Variants in SYNE1 observed in about 807,000 individuals in gnomAD.
SYNE1 encodes the protein spectrin repeat containing nuclear envelope protein 1.
In SYNE1, 616 loss-of-function variants were observed where a neutral mutation model predicts 1,111.0. The ratio of observed to expected loss-of-function variants is 0.55; its 90% CI spans 0.52 to 0.59. The LOEUF (loss-of-function observed/expected upper bound fraction) is 0.59. SYNE1 is among the 20% of genes least tolerant of loss of function. SYNE1 has a pLI of 0.00. For synonymous variants in SYNE1, 3,855 were observed against 3,825.8 expected, an observed-to-expected ratio of 1.01 and a Z score of -0.28; for missense variants, 10,006 against 10,417.0, an observed-to-expected ratio of 0.96 and a Z score of 1.72.
Position 152,435,946 on chromosome 6 carries a change from T to C in SYNE1, c.4305A>G (p.Glu1435=), listed in dbSNP as rs2098470446. ...AGGACTTGTCAATCACATACTCTTC[T>C]TCAAGCGTGTCTTCTAATTTTTTGA... is the stretch of plus-strand genomic sequence containing the variant. ...EQVKKLEDTL[E]EDIKTMEMVK... Residue 1435 remains glutamate, a synonymous_variant, in exon 33 of 146, where the codon GAA becomes GAG. Transcript: ENST00000367255. The C allele has an allele frequency of 6.2e-7, 1 of 1,614,156 alleles. No homozygotes were observed. The highest frequency in any genetic ancestry group is 8.5e-7 in the Non-Finnish European group (1 of 1,180,024).
intron 87 of SYNE1, among the ~76,000 whole-genome samples, chr6:152,311,975 G>A (rs1015349043): frequency 1.3e-5 from 2 of 152,044 alleles, no homozygotes; most frequent in East Asian, 1.9e-4. Flanking sequence ...TAGCAGAGAC[G>A]GGGTTTCATC....
In SYNE1 at chr6:152,407,155, T is replaced by G; in HGVS notation, c.6582A>C (p.Val2194=). 1 of 1,614,132 alleles carries G rather than the reference T, an allele frequency of 6.2e-7. No homozygotes were observed. Among genetic ancestry groups the G allele is most frequent in the South Asian group, 1.1e-5 (1 of 91,084 alleles). The part of the protein sequence containing the change: ...KLEENMDRLR[V]SLSIWDDVLS... ...GTACATCATCCCAAATGGACAGGCT[T>G]ACTCTCAGCCTATCCATGTTTTCTT... is the stretch of plus-strand genomic sequence containing the variant. Residue 2194 remains valine (V), a synonymous_variant, in exon 45 of 146, where the codon GTA becomes GTC. Transcript: ENST00000367255.
chr6:152,146,698 A>G (rs2059571437), intron 137 of SYNE1: 1 of 152,268 alleles, frequency 6.6e-6, no homozygotes, highest in Non-Finnish European at 1.5e-5. Context: ...GACAGAATGT[A>G]TGAGATACAT....
chr6:152,407,574 A>ATGCT (rs1213368456), intron 44 of SYNE1, among the ~76,000 whole-genome samples: 2 of 152,156 alleles, frequency 1.3e-5, no homozygotes, highest in African/African-American at 4.8e-5. Context: ...TTTATTTCTA[A>ATGCT]TGCTGAGGTA....
In SYNE1 at chr6:152,416,831, T is replaced by C. The variant is rs1249586010; in HGVS notation, c.5606A>G (p.His1869Arg). 6.2e-7 allele frequency: 1 copy of C among 1,614,196 alleles called. No homozygotes were observed. Among genetic ancestry groups the C allele is most frequent in the Admixed American group, 1.7e-5 (1 of 60,024 alleles). The change falls in exon 41 of 146, where the codon CAT becomes CGT. Residue 1869 changes from histidine to arginine, a missense_variant. This residue lies in a region of SYNE1 where 4,955 missense variants were observed against 5,017.2 expected (regional missense o/e 0.99). Coordinates refer to ENST00000367255, the MANE Select transcript of SYNE1 (RefSeq NM_182961.4). ...ATGGCTCTGGAGGAATTCTGCCAAA[T>C]GGGACAGGGCAAGCTGCCGCCTCTC... ...VVERRQLALSHLAEFLQSHAS... is the reference protein window; with the variant it reads ...VVERRQLALSRLAEFLQSHAS...
chr6:152,230,502 T>C, intron 115 of SYNE1, 45 bp downstream of exon 115: 2 of 1,590,386 alleles, frequency 1.3e-6, no homozygotes, highest in South Asian at 2.2e-5. Flanking sequence ...TAGCATACGC[T>C]ATGAAATTGT....
At chr6:152,452,729 G>A (rs2098661381) in intron 25 of SYNE1, among the ~76,000 whole-genome samples, 1 of 152,226 alleles carries the variant, frequency 6.6e-6, no homozygotes, top group Non-Finnish European at 1.5e-5. Flanking sequence ...CCACTGTGCT[G>A]CAGCTACTTC....
At chr6:152,301,682 C>T (rs1476149082) in intron 92 of SYNE1, among the ~76,000 whole-genome samples, 187 bp downstream of exon 92, 1 of 152,206 alleles carries the variant, frequency 6.6e-6, no homozygotes, top group African/African-American at 2.4e-5. Context: ...TTTTAACTGT[C>T]ATTGTTTACA....
At chr6:152,184,308 G>A (rs111880722) in intron 128 of SYNE1, among the ~76,000 whole-genome samples, 9 of 151,916 alleles carry the variant, frequency 5.9e-5, no homozygotes, top group African/African-American at 2.2e-4. Flanking sequence ...ATGGTGGCAG[G>A]TGCCTGTAAT....
At chr6:152,339,397 A>G in intron 74 of SYNE1, 31 bp from the exon 75 acceptor site, 1 of 1,611,752 alleles carries the variant, frequency 6.2e-7, no homozygotes, top group Non-Finnish European at 8.5e-7. Flanking sequence ...AGTGAAAGAG[A>G]TGCATCAGCT....
At chr6:152,250,362 A>G (rs906358255) in intron 104 of SYNE1, among the ~76,000 whole-genome samples, 2 of 152,214 alleles carry the variant, frequency 1.3e-5, no homozygotes, top group African/African-American at 4.8e-5. Flanking sequence ...TTAAAGCTCA[A>G]CTCAGGACCT....
intron 90 of SYNE1, among the ~76,000 whole-genome samples, chr6:152,308,977 G>T (rs1346425725): frequency 6.6e-6 from 1 of 152,084 alleles, no homozygotes; most frequent in Non-Finnish European, 1.5e-5. Context: ...AACAAATACT[G>T]AATATATAGG....
chr6:152,371,632 A>G (rs1236202360), intron 59 of SYNE1, among the ~76,000 whole-genome samples: 40 of 50,640 alleles, frequency 7.9e-4, no homozygotes, highest in South Asian at 2.3e-3. Context: ...GAGAGGGGAG[A>G]GGAGGGGAGG....
At chr6:152,346,538 A>G (rs1010468252) in intron 73 of SYNE1, among the ~76,000 whole-genome samples, 15 of 152,048 alleles carry the variant, frequency 9.9e-5, no homozygotes, top group African/African-American at 3.1e-4. Flanking sequence ...CAATATCTGA[A>G]ATTCGCTCAC....
At chr6:152,464,563 G>A (rs2098753161) in intron 18 of SYNE1, among the ~76,000 whole-genome samples, 1 of 152,112 alleles carries the variant, frequency 6.6e-6, no homozygotes, top group Non-Finnish European at 1.5e-5. Flanking sequence ...AACAATAATA[G>A]ATGAACCAAT....
intron 14 of SYNE1, among the ~76,000 whole-genome samples, chr6:152,482,321 G>A (rs1318880146): frequency 1.3e-5 from 2 of 151,946 alleles, no homozygotes; most frequent in East Asian, 1.9e-4. Flanking sequence ...ATTTCCTTGG[G>A]GTAATTTTTC....
intron 126 of SYNE1, among the ~76,000 whole-genome samples, chr6:152,202,380 A>AAAAAAAAAAAAAAAAGCAAAAAAAG (rs2075677755): frequency 6.7e-6 from 1 of 149,062 alleles, no homozygotes; most frequent in African/African-American, 2.6e-5. Context: ...GCAAAAAAAA[A>AAAAAAAAAAAAAAAAGCAAAAAAAG]AAAGAACAAA....
chr6:152,466,920 G>T (rs77980766), intron 16 of SYNE1, among the ~76,000 whole-genome samples: 1 of 151,890 alleles, frequency 6.6e-6, no homozygotes, highest in African/African-American at 2.4e-5. Context: ...TAAATGTCAC[G>T]GTCATAAATA....
chr6:152,206,419 A>G, intron 125 of SYNE1, 57 bp from the exon 126 acceptor site: 1 of 1,598,694 alleles, frequency 6.3e-7, no homozygotes, highest in East Asian at 2.2e-5. Context: ...TTTCCTTCCC[A>G]TAAGGATTTT....
Sources: allele counts gnomAD v4.1 joint callset (sites outside exome capture counted in the v4.1 genomes callset), GRCh38; gene constraint gnomAD v4.1.1; regional missense constraint gnomAD v4.1.1; transcripts MANE v1.5; gene names NCBI Gene and HGNC (gene_info 2026-07-23, HGNC 2026-07-21).